The following CPZ variants were observed in gnomAD, a reference collection of about 807,000 sequenced individuals.
The protein encoded by CPZ is carboxypeptidase Z.
A neutral mutation model predicts 61.8 loss-of-function variants in CPZ; 103 were observed. The observed-to-expected ratio is 1.67, with a 90% CI of 1.42 to 1.96. The LOEUF (loss-of-function observed/expected upper bound fraction) is 1.96. Among genes scored for constraint, CPZ ranks in the 30% most tolerant of loss-of-function variants. CPZ has a pLI of 0.00. For missense variants in CPZ, 1,461 were observed against 914.9 expected, an observed-to-expected ratio of 1.60 and a Z score of -7.70; for synonymous variants, 551 against 373.7, an observed-to-expected ratio of 1.47 and a Z score of -5.47.
intron 5 of CPZ, among the ~76,000 whole-genome samples, chr4:8,606,512 C>T (rs1386222596): frequency 6.6e-6 from 1 of 152,116 alleles, no homozygotes; most frequent in Admixed American, 6.5e-5. Context: ...CGAGGGCGCC[C>T]CACTCAGGGG....
At chr4:8,596,885 G>A (rs953940831) in intron 1 of CPZ, among the ~76,000 whole-genome samples, 1 of 152,238 alleles carries the variant, frequency 6.6e-6, no homozygotes, top group African/African-American at 2.4e-5. Context: ...GAGGCCAGCA[G>A]AGTTCCCAGG....
intron 1 of CPZ, among the ~76,000 whole-genome samples, chr4:8,593,648 C>A (rs991873765): frequency 2.0e-5 from 3 of 152,078 alleles, no homozygotes; most frequent in African/African-American, 7.2e-5. Context: ...TGGGCTCCTG[C>A]GGGAGTGGGG....
Position 8,618,463 on chromosome 4 carries a change from A to C in CPZ, c.1538A>C (p.Lys513Thr). The C allele has an allele frequency of 6.2e-7, 1 of 1,614,188 alleles. No individual in the cohort carries two copies. The highest frequency in any genetic ancestry group is 1.1e-5 in the South Asian group (1 of 91,078). Residue 513 changes from lysine to threonine, a missense_variant, in exon 10 of 11, where the codon AAA (lysine) becomes ACA (threonine). Coordinates refer to ENST00000360986, the MANE Select transcript of CPZ (RefSeq NM_001014447.3). The stretch of plus-strand genomic sequence containing the variant: ...GGCATCAAAGGTGTGGTGACAGATA[A>C]ATTCGGCAAGCCAGTCAAAAACGCC... ...HRGIKGVVTDKFGKPVKNARI... is the reference protein window; with the variant it reads ...HRGIKGVVTDTFGKPVKNARI...
At chr4:8,593,073 G>A (rs1192730783) in intron 1 of CPZ, 152 bp downstream of exon 1, 2 of 621,024 alleles carry the variant, frequency 3.2e-6, no homozygotes, top group Non-Finnish European at 5.3e-6. Context: ...GCAGCATGTG[G>A]CCTGGGACTG....
At position 8,614,576 on chromosome 4, in the gene CPZ, C is replaced by A. The variant is rs538326009; in HGVS notation, c.1503+78C>A. 8.1e-6 allele frequency: 12 copies of A among 1,486,816 alleles called. No homozygotes were observed. The East Asian group carries it at 1.6e-4, about 20-fold the overall frequency. The allele number at this position is 1,486,816 out of a possible 1,614,324, so 92.1% of individuals were successfully genotyped here. A position where few individuals can be genotyped will look rare whatever the true frequency, so the allele number is the denominator to read the frequency against. On this transcript the variant is annotated intron_variant, in intron 9 of 10. Transcript: ENST00000360986. ...GGTCACATTCAGGCCCCCAGGGCAG[C>A]CCCCGTAGCCTCACTGCCCCATACA...
chr4:8,611,136 G>C, intron 7 of CPZ: 1 of 433,492 alleles, frequency 2.3e-6, no homozygotes, highest in Non-Finnish European at 4.8e-6. Context: ...CCACCCTCTA[G>C]TGTCCTCCAC....
At chr4:8,599,414 C>A in intron 1 of CPZ, 39 bp from the exon 2 acceptor site, 2 of 1,566,712 alleles carry the variant, frequency 1.3e-6, no homozygotes, top group Non-Finnish European at 1.7e-6. Flanking sequence ...TGAAGGATGG[C>A]GAGGCAGGTC....
At chr4:8,608,372 C>A (rs1157061919) in intron 7 of CPZ, among the ~76,000 whole-genome samples, 4 of 152,166 alleles carry the variant, frequency 2.6e-5, no homozygotes, top group Non-Finnish European at 4.4e-5. Context: ...CCTGGGTGGG[C>A]AAGTGCCAGG....
intron 9 of CPZ, among the ~76,000 whole-genome samples, chr4:8,616,245 G>T (rs1716147862): frequency 6.6e-6 from 1 of 152,204 alleles, no homozygotes; most frequent in Non-Finnish European, 1.5e-5. Context: ...AGTGATCCTG[G>T]CCAGGCCTCG....
rs374042405 is a variant in CPZ at position 8,615,159 on chromosome 4, GACT to G, written c.1503+666_1503+668del. Among the ~76,000 whole-genome samples, 472 of 152,228 alleles carry G rather than the reference GACT, an allele frequency of 3.1e-3. 4 individuals are homozygous for G. The highest frequency in any genetic ancestry group is 0.01 in the African/African-American group (425 of 41,526). On this transcript the variant is annotated intron_variant, in intron 9 of 10. Transcript: ENST00000360986. ...GGGCAGGGCGTCCTGACTGAGGGGT[GACT>G]ACTATCGTGAGGCTGAGGTCACCCA...
intron 1 of CPZ, among the ~76,000 whole-genome samples, chr4:8,598,420 C>G (rs528660553): frequency 1.5e-3 from 227 of 152,364 alleles, no homozygotes; most frequent in South Asian, 7.0e-3. Context: ...CTCCTGGCCT[C>G]AAGGTTCTGT....
At chr4:8,603,221 T>C (rs1714703430) in intron 3 of CPZ, 1 of 152,382 alleles carries the variant, frequency 6.6e-6, no homozygotes, top group Admixed American at 6.5e-5. Flanking sequence ...CCTGCTCCTG[T>C]GGGCCTGACT....
At chr4:8,615,983 G>T (rs531415716) in intron 9 of CPZ, among the ~76,000 whole-genome samples, 2 of 152,198 alleles carry the variant, frequency 1.3e-5, no homozygotes, top group African/African-American at 4.8e-5. Flanking sequence ...ATGAGCTCTC[G>T]CGCCAGGCCT....
intron 3 of CPZ, chr4:8,603,400 T>A (rs574050946): frequency 1.3e-5 from 2 of 151,402 alleles, no homozygotes; most frequent in Non-Finnish European, 1.5e-5. Flanking sequence ...CCCCCTTTTT[T>A]CTTCCTCCCC....
chr4:8,593,338 G>A (rs1023002355), intron 1 of CPZ, among the ~76,000 whole-genome samples: 1 of 152,146 alleles, frequency 6.6e-6, no homozygotes, highest in African/African-American at 2.4e-5. Context: ...GCAAACTCTT[G>A]ACCCCTCCCT....
At chr4:8,617,921 G>A (rs1716325404) in intron 9 of CPZ, among the ~76,000 whole-genome samples, 1 of 152,072 alleles carries the variant, frequency 6.6e-6, no homozygotes, top group East Asian at 1.9e-4. Flanking sequence ...ACCAGTTCGT[G>A]CCAAGGCCAG....
At chr4:8,618,019 C>A (rs1560305528) in intron 9 of CPZ, 2 of 248,006 alleles carry the variant, frequency 8.1e-6, no homozygotes, top group Non-Finnish European at 1.6e-5. Flanking sequence ...CTGTCCTCGT[C>A]CTCTCCCATG....
At chr4:8,600,888 G>C in intron 2 of CPZ, 1 of 1,261,076 alleles carries the variant, frequency 7.9e-7, no homozygotes. Flanking sequence ...AGGGCAGCCT[G>C]CTGCGGCTGG....
chr4:8,609,223 C>G (rs1337790509), intron 7 of CPZ, among the ~76,000 whole-genome samples: 7 of 46,650 alleles, frequency 1.5e-4, no homozygotes, highest in African/African-American at 3.8e-4. Context: ...CATTCACTTA[C>G]TCACTCATTG....
Sources: allele counts gnomAD v4.1 joint callset (sites outside exome capture counted in the v4.1 genomes callset), GRCh38; gene constraint gnomAD v4.1.1; transcripts MANE v1.5; gene names NCBI Gene and HGNC (gene_info 2026-07-23, HGNC 2026-07-21).